Variants in HTR4 observed in about 807,000 individuals in gnomAD.
HTR4 encodes the protein 5-hydroxytryptamine (serotonin) receptor 4, G protein-coupled.
Under a neutral mutation model 36.8 loss-of-function variants are expected in HTR4, and 16 were observed. The ratio of observed to expected loss-of-function variants is 0.43; its 90% CI spans 0.29 to 0.66. The LOEUF is 0.66. Among genes scored for constraint, HTR4 ranks in the 30% least tolerant of loss-of-function variants. The probability of loss-of-function intolerance (pLI) is 0.13; values close to 1 mark genes in which losing one functional copy is unlikely to be tolerated. For synonymous variants in HTR4, 189 were observed against 185.1 expected, an observed-to-expected ratio of 1.02 and a Z score of -0.17; for missense variants, 438 against 490.9, an observed-to-expected ratio of 0.89 and a Z score of 1.02.
rs117357645 is a variant in HTR4, at chr5:148,533,292, A to G, written c.354-9946T>C. Among the ~76,000 whole-genome samples the G allele has an allele frequency of 2.4e-3, 368 of 152,348 alleles. 13 individuals are homozygous for G. The East Asian group carries it at 0.04, about 17-fold the overall frequency. ...TTCCAGATGGCCAGGATTAACTAAA[A>G]TGAAGCAAGGATATTTACAAAGTAA... On this transcript the variant is annotated intron_variant, in intron 4 of 6. Transcript: ENST00000377888.
chr5:148,465,737 C>G, intron 5 of HTR4: 1 of 1,404,950 alleles, frequency 7.1e-7, no homozygotes, highest in Non-Finnish European at 9.5e-7. Flanking sequence ...AATTGTGCAC[C>G]CTTAACTTTG....
intron 2 of HTR4, chr5:148,630,133 T>C (rs1389330082): frequency 6.6e-6 from 1 of 152,226 alleles, no homozygotes; most frequent in Non-Finnish European, 1.5e-5. Flanking sequence ...CTCCCTGCTC[T>C]GCCATGGAGC....
chr5:148,479,059 G>A (rs186034639), downstream of HTR4, among the ~76,000 whole-genome samples: 1 of 151,780 alleles, frequency 6.6e-6, no homozygotes, highest in African/African-American at 2.4e-5. Flanking sequence ...CTCAATCCAA[G>A]ACCTCCAGAT....
intron 2 of HTR4, among the ~76,000 whole-genome samples, chr5:148,608,668 A>G (rs1752283874): frequency 1.3e-5 from 2 of 152,204 alleles, no homozygotes; most frequent in African/African-American, 4.8e-5. Context: ...GCATAACAAG[A>G]TTGACATTTT....
chr5:148,580,433 A>T (rs145953449), intron 2 of HTR4, among the ~76,000 whole-genome samples: 1 of 152,042 alleles, frequency 6.6e-6, no homozygotes, highest in Non-Finnish European at 1.5e-5. Flanking sequence ...CCTATTAACC[A>T]ATGAGTAAGT....
intron 2 of HTR4, among the ~76,000 whole-genome samples, chr5:148,600,735 G>A (rs903221335): frequency 2.0e-5 from 3 of 151,784 alleles, no homozygotes; most frequent in Admixed American, 6.6e-5. Flanking sequence ...AGGAGAAATG[G>A]AAAAGATCTT....
chr5:148,496,954 T>A (rs766012365), intron 6 of HTR4, among the ~76,000 whole-genome samples: 14 of 152,184 alleles, frequency 9.2e-5, no homozygotes, highest in Admixed American at 4.6e-4. Context: ...ACCTAATAAA[T>A]TGAGTTCCAG....
chr5:148,608,772 G>A (rs1204145255), intron 2 of HTR4, among the ~76,000 whole-genome samples: 1 of 152,202 alleles, frequency 6.6e-6, no homozygotes, highest in Non-Finnish European at 1.5e-5. Flanking sequence ...CAACAAGGAG[G>A]ATATTGCAGT....
At chr5:148,453,489 A>T (rs1260220113) in intron 5 of HTR4, among the ~76,000 whole-genome samples, 1 of 152,156 alleles carries the variant, frequency 6.6e-6, no homozygotes, top group African/African-American at 2.4e-5. Flanking sequence ...GAGCCCTGTG[A>T]GATATAGTGA....
At chr5:148,618,909 C>A (rs537323849) in intron 2 of HTR4, among the ~76,000 whole-genome samples, 1 of 152,322 alleles carries the variant, frequency 6.6e-6, no homozygotes, top group South Asian at 2.1e-4. Context: ...GATTGTGACA[C>A]ATACAGCCGA....
At chr5:148,653,916 G>A in intron 1 of HTR4, 146 bp downstream of exon 1, 3 of 358,542 alleles carry the variant, frequency 8.4e-6, no homozygotes, top group Middle Eastern at 1.4e-3. Flanking sequence ...GAGCCGCCCC[G>A]AAGCCCACCC....
At chr5:148,590,427 G>T (rs905671847) in intron 2 of HTR4, among the ~76,000 whole-genome samples, 3 of 149,330 alleles carry the variant, frequency 2.0e-5, no homozygotes, top group Non-Finnish European at 4.4e-5. Flanking sequence ...CTCCCATATA[G>T]CTGGGATTAT....
At chr5:148,549,040 A>G (rs1759542605) in intron 3 of HTR4, among the ~76,000 whole-genome samples, 172 bp from the exon 4 acceptor site, 1 of 152,112 alleles carries the variant, frequency 6.6e-6, no homozygotes, top group Non-Finnish European at 1.5e-5. Flanking sequence ...CGTGAGATTC[A>G]ATTTCCCCTT....
At chr5:148,544,643 G>T (rs1759298293) in intron 4 of HTR4, among the ~76,000 whole-genome samples, 1 of 152,078 alleles carries the variant, frequency 6.6e-6, no homozygotes, top group Non-Finnish European at 1.5e-5. Flanking sequence ...GATCTCCTAT[G>T]ACCCATACTA....
chr5:148,467,572 A>G (rs1304210365), intron 5 of HTR4, among the ~76,000 whole-genome samples: 2 of 152,244 alleles, frequency 1.3e-5, no homozygotes, highest in African/African-American at 2.4e-5. Flanking sequence ...TAAAAATGAT[A>G]AATGTGATTA....
At chr5:148,532,914 G>T (rs147414997) in intron 4 of HTR4, among the ~76,000 whole-genome samples, 2 of 152,134 alleles carry the variant, frequency 1.3e-5, no homozygotes, top group African/African-American at 2.4e-5. Flanking sequence ...ATGTTCCCAG[G>T]TGATGCTGTT....
intron 2 of HTR4, among the ~76,000 whole-genome samples, chr5:148,624,919 G>C (rs1025916594): frequency 6.6e-6 from 1 of 152,154 alleles, no homozygotes; most frequent in Non-Finnish European, 1.5e-5. Context: ...CCAGGCATAC[G>C]AAGTCCAGCA....
intron 5 of HTR4, among the ~76,000 whole-genome samples, chr5:148,511,680 A>C (rs1447590876): frequency 6.8e-6 from 1 of 146,594 alleles, no homozygotes; most frequent in Non-Finnish European, 1.5e-5. Context: ...TCTTAGGTAT[A>C]TACCCAGGAC....
rs898365186 is a variant in HTR4 at position 148,650,943 on chromosome 5, A to G, written c.-48+3119T>C. Among the ~76,000 whole-genome samples, 5 of 152,306 alleles carry G rather than the reference A, an allele frequency of 3.3e-5. No homozygotes were observed. The Middle Eastern group carries it at 0.01, about 311-fold the overall frequency. On this transcript the variant is annotated intron_variant, in intron 1 of 6. Coordinates refer to ENST00000377888, the MANE Select transcript of HTR4 (RefSeq NM_000870.7). ...TGTAACACCAAGATCCCATTCATGC[A>G]AGGCACTATAATATGGAGGTTCAGA...
Sources: allele counts gnomAD v4.1 joint callset (sites outside exome capture counted in the v4.1 genomes callset), GRCh38; gene constraint gnomAD v4.1.1; transcripts MANE v1.5; gene names NCBI Gene and HGNC (gene_info 2026-07-23, HGNC 2026-07-21).